Variants in POMT2 observed in about 807,000 individuals in gnomAD.
POMT2 encodes protein O-mannosyltransferase 2, also known as protein O-mannosyl-transferase 2.
POMT2 carries 75 observed loss-of-function variants against 100.0 expected under a neutral mutation model. That is an observed-to-expected ratio of 0.75 (90% CI 0.62 to 0.91). POMT2 has a LOEUF of 0.91. POMT2 is among the 40% of genes least tolerant of loss of function. The pLI, the probability that POMT2 is intolerant of heterozygous loss-of-function variation, is 0.00. For synonymous variants in POMT2, 378 were observed against 374.1 expected, an observed-to-expected ratio of 1.01 and a Z score of -0.12; for missense variants, 940 against 955.1, an observed-to-expected ratio of 0.98 and a Z score of 0.21.
chr14:77,310,885 A>G (rs1326813273), intron 2 of POMT2, among the ~76,000 whole-genome samples: 1 of 152,196 alleles, frequency 6.6e-6, no homozygotes, highest in Non-Finnish European at 1.5e-5. Context: ...TGTAATCCCA[A>G]CACTTTGGGA....
intron 15 of POMT2, among the ~76,000 whole-genome samples, chr14:77,282,434 A>G (rs576885596): frequency 2.6e-5 from 4 of 152,312 alleles, no homozygotes; most frequent in African/African-American, 9.6e-5. Flanking sequence ...GTCTGGACTC[A>G]CTGTTTTCAT....
chr14:77,279,025 C>G (rs898295699), intron 18 of POMT2, 156 bp from the exon 19 acceptor site: 2 of 1,044,462 alleles, frequency 1.9e-6, no homozygotes, highest in Non-Finnish European at 2.9e-6. Context: ...TGGAGAGGAG[C>G]AGCTGGGGCT....
At chr14:77,320,385 G>A (rs1283642621) in intron 1 of POMT2, 49 bp downstream of exon 1, 3 of 1,542,426 alleles carry the variant, frequency 1.9e-6, no homozygotes, top group African/African-American at 1.4e-5. Flanking sequence ...AGAGGGCGGC[G>A]TCCCGTCGCG....
chr14:77,302,762 G>A (rs1891089126), intron 5 of POMT2, 73 bp downstream of exon 5: 1 of 1,272,958 alleles, frequency 7.9e-7, no homozygotes, highest in East Asian at 2.4e-5. Context: ...ACCCGCCCTG[G>A]CCCTGGCCAT....
At position 77,298,763 on chromosome 14, in the gene POMT2, C is replaced by T; in HGVS notation, c.932G>A (p.Gly311Asp). 1 of 1,612,760 alleles carries T rather than the reference C, an allele frequency of 6.2e-7. No individual in the cohort carries two copies. The highest frequency in any genetic ancestry group is 8.5e-7 in the Non-Finnish European group (1 of 1,179,386). The change falls in exon 8 of 21, where the codon GGT (glycine) becomes GAT (aspartate). Residue 311 changes from glycine (G) to aspartate (D), a missense_variant. Gly to Asp is a moderately conservative substitution (Grantham distance 94). Coordinates refer to ENST00000261534, the MANE Select transcript of POMT2 (RefSeq NM_013382.7). ...GAAGGCAGAACTGAAGAAACCGTCA[C>T]CAGGGCCACTGTGGGGAGAGGAAGA... ...HFMVLSKSGP[G>D]DGFFSSAFQA... is the part of the protein sequence containing the mutation.
At chr14:77,314,183 G>C (rs117009841) in intron 1 of POMT2, among the ~76,000 whole-genome samples, 2,165 of 152,222 alleles carry the variant, frequency 0.014, 21 homozygotes, top group Non-Finnish European at 0.022. Flanking sequence ...CAACCTTGAG[G>C]GAAGTTAGTG....
At position 77,276,738 on chromosome 14, in the gene POMT2, G is replaced by C. The variant is rs45459800; in HGVS notation, c.*638C>G. ...GGAAGTCCAGCTACCTGCAGCCACT[G>C]GGGGGCATGGTGGGAGCCAGGCCCT... On this transcript the variant is annotated 3_prime_UTR_variant, in exon 21 of 21. Coordinates refer to ENST00000261534, the MANE Select transcript of POMT2 (RefSeq NM_013382.7). 6.5e-6 allele frequency: 1 copy of C among 153,082 alleles called. No homozygotes were observed. The highest frequency in any genetic ancestry group is 1.5e-5 in the Non-Finnish European group (1 of 68,584). 9.5% of individuals were successfully genotyped at this position (153,082 alleles called of 1,614,324 possible).
At chr14:77,298,794 A>C (rs1303535101) in intron 7 of POMT2, 23 bp from the exon 8 acceptor site, 2 of 1,603,042 alleles carry the variant, frequency 1.2e-6, no homozygotes, top group Admixed American at 1.7e-5. Context: ...GAAGAGCAGA[A>C]GAGAGTCAAG....
At chr14:77,279,564 T>C in intron 18 of POMT2, 1 of 616,568 alleles carries the variant, frequency 1.6e-6, no homozygotes. Flanking sequence ...GCAAGTTTCT[T>C]AATCTCATGG....
chr14:77,303,610 G>C (rs990720667), intron 4 of POMT2, among the ~76,000 whole-genome samples: 3 of 152,132 alleles, frequency 2.0e-5, no homozygotes, highest in African/African-American at 7.2e-5. Flanking sequence ...TACAGTACAT[G>C]CACTTCCCTC....
At chr14:77,285,192 G>A (rs1890375882) in intron 13 of POMT2, 151 bp from the exon 14 acceptor site, 1 of 800,488 alleles carries the variant, frequency 1.2e-6, no homozygotes, top group African/African-American at 1.7e-5. Context: ...AACTATCCTA[G>A]GATAGTCTAG....
Position 77,279,805 on chromosome 14 carries a change from G to A in POMT2, c.1891+18C>T. ...TGCTGCCGCCAGGTCAGGGGAGGGAGAGCCCAGAGGACCTGACCTGCAACC... is the reference window on the plus strand; with the variant it reads ...TGCTGCCGCCAGGTCAGGGGAGGGAAAGCCCAGAGGACCTGACCTGCAACC... On this transcript the variant is annotated intron_variant, in intron 18 of 20. Coordinates refer to ENST00000261534, the MANE Select transcript of POMT2 (RefSeq NM_013382.7). The A allele has an allele frequency of 6.2e-7, 1 of 1,608,674 alleles. No homozygotes were observed.
chr14:77,304,914 G>T lies in POMT2; in HGVS notation c.439-114C>A, dbSNP rs1350600846. 7.3e-6 allele frequency: 11 copies of T among 1,515,778 alleles called. No homozygotes were observed. The East Asian group carries it at 2.5e-4, about 35-fold the overall frequency. The allele number at this position is 1,515,778 out of a possible 1,614,324, so 93.9% of individuals were successfully genotyped here. A position where few individuals can be genotyped will look rare whatever the true frequency, so the allele number is the denominator to read the frequency against. ...GGGACCTGATGAAGGCATGACTTTG[G>T]TGACCTAAAGTCACCTAGGATATCT... On this transcript the variant is annotated intron_variant, in intron 3 of 20. Transcript: ENST00000261534.
intron 8 of POMT2, among the ~76,000 whole-genome samples, chr14:77,298,170 C>T (rs1890895043): frequency 6.6e-6 from 1 of 152,172 alleles, no homozygotes; most frequent in African/African-American, 2.4e-5. Context: ...ACCCACATCA[C>T]GAACCTCTGA....
At chr14:77,288,966 G>A (rs1444260795) in intron 10 of POMT2, 135 bp from the exon 11 acceptor site, 1 of 756,432 alleles carries the variant, frequency 1.3e-6, no homozygotes, top group African/African-American at 1.7e-5. Context: ...AGACCAAAGA[G>A]GAAAGACCCC....
Position 77,283,793 on chromosome 14 carries a change from A to C in POMT2, c.1653+4T>G, listed in dbSNP as rs555289061. On this transcript the variant is annotated splice_donor_region_variant and intron_variant, in intron 15 of 20. Transcript: ENST00000261534. ...ACGCCATGAAATGAGAAGGGGACAC[A>C]TACCCGGATCATGACCATGTGGGAT... The C allele has an allele frequency of 6.2e-6, 10 of 1,600,842 alleles. No homozygotes were observed. In the East Asian group the frequency reaches 2.2e-4, roughly 36 times the overall value.
rs537607341 is a variant in POMT2 at position 77,286,605 on chromosome 14, C to T, written c.1332+139G>A. The T allele has an allele frequency of 3.9e-6, 5 of 1,296,844 alleles. No homozygotes were observed. The South Asian group carries it at 6.6e-5, about 17-fold the overall frequency. The allele number at this position is 1,296,844 out of a possible 1,614,324, so 80.3% of individuals were successfully genotyped here. A position where few individuals can be genotyped will look rare whatever the true frequency, so the allele number is the denominator to read the frequency against. ...AGAGCAGGCCTAGCCAAAAAGTGCC[C>T]AAATGTTAAGAGAGTCCCTGTGCAG... On this transcript the variant is annotated intron_variant, in intron 12 of 20. Coordinates refer to ENST00000261534, the MANE Select transcript of POMT2 (RefSeq NM_013382.7).
intron 9 of POMT2, 197 bp from the exon 10 acceptor site, chr14:77,291,577 C>A: frequency 4.4e-6 from 3 of 685,868 alleles, no homozygotes; most frequent in Non-Finnish European, 7.3e-6. Context: ...TCTCTCCTTC[C>A]TTCTGCATTT....
chr14:77,315,398 C>T (rs1366877549), intron 1 of POMT2, among the ~76,000 whole-genome samples: 1 of 152,356 alleles, frequency 6.6e-6, no homozygotes, highest in Non-Finnish European at 1.5e-5. Flanking sequence ...GTCACCATAG[C>T]CCCTGATGCA....
Sources: gnomAD v4.1 joint callset for allele counts (sites outside exome capture counted in the v4.1 genomes callset) on GRCh38, gnomAD v4.1.1 for gene constraint, MANE v1.5 for transcripts, NCBI Gene and HGNC (gene_info 2026-07-23, HGNC 2026-07-21) for gene names.